The following ABCA1 variants were observed in gnomAD, a reference collection of about 807,000 sequenced individuals.
ABCA1 encodes phospholipid-transporting ATPase ABCA1.
Under a neutral mutation model 262.5 loss-of-function variants are expected in ABCA1, and 133 were observed. The observed-to-expected ratio is 0.51, with a 90% CI of 0.44 to 0.59. The LOEUF (loss-of-function observed/expected upper bound fraction) is 0.59, where lower values mean the gene tolerates loss of function less well. Ranked by LOEUF, ABCA1 falls within the 20% of genes least tolerant of loss-of-function variation. The pLI is 0.00. For synonymous variants in ABCA1, 1,022 were observed against 1,043.5 expected, an observed-to-expected ratio of 0.98 and a Z score of 0.40; for missense variants, 2,452 against 2,777.5, an observed-to-expected ratio of 0.88 and a Z score of 2.63.
chr9:104,831,149 TAAAAA>T (rs34121951), intron 13 of ABCA1, 48 bp from the exon 14 acceptor site: 288 of 925,484 alleles, frequency 3.1e-4, no homozygotes, highest in Middle Eastern at 7.8e-4. Context: ...AACCATACAA[TAAAAA>T]AAAAAAAAAA....
intron 42 of ABCA1, 84 bp from the exon 43 acceptor site, chr9:104,792,082 C>T: frequency 8.4e-7 from 1 of 1,193,224 alleles, no homozygotes; most frequent in Non-Finnish European, 1.2e-6. Context: ...GACTATAAAC[C>T]ACATACACTG....
chr9:104,872,981 T>C (rs1046632644), intron 5 of ABCA1, among the ~76,000 whole-genome samples: 1 of 152,242 alleles, frequency 6.6e-6, no homozygotes, highest in African/African-American at 2.4e-5. Flanking sequence ...AACATTGCAG[T>C]GCAGCGTTGC....
At chr9:104,803,225 A>G in intron 33 of ABCA1, 59 bp downstream of exon 33, 1 of 1,582,142 alleles carries the variant, frequency 6.3e-7, no homozygotes, top group Non-Finnish European at 8.7e-7. Context: ...CTTCAATCCA[A>G]GACACCTACA....
At chr9:104,800,406 T>C in intron 35 of ABCA1, 104 bp downstream of exon 35, 1 of 1,081,076 alleles carries the variant, frequency 9.3e-7, no homozygotes, top group South Asian at 1.3e-5. Flanking sequence ...TGCTCTTTTC[T>C]GTTGTGAATG....
At chr9:104,910,143 C>A (rs1841408752) in intron 1 of ABCA1, among the ~76,000 whole-genome samples, 1 of 152,114 alleles carries the variant, frequency 6.6e-6, no homozygotes, top group Non-Finnish European at 1.5e-5. Flanking sequence ...AGGGAAGTCT[C>A]CAAGCAGGGA....
intron 18 of ABCA1, among the ~76,000 whole-genome samples, chr9:104,823,365 TGAA>T (rs965845387): frequency 5.3e-5 from 8 of 152,202 alleles, no homozygotes; most frequent in African/African-American, 1.9e-4. Flanking sequence ...TAGTGAAATC[TGAA>T]GAAGGTTTGT....
At chr9:104,809,233 A>G (rs1426487826) in intron 30 of ABCA1, among the ~76,000 whole-genome samples, 2 of 152,260 alleles carry the variant, frequency 1.3e-5, no homozygotes, top group African/African-American at 4.8e-5. Flanking sequence ...AAATCAGTAA[A>G]CAAATGTCTG....
chr9:104,867,493 T>C (rs749725171), intron 5 of ABCA1, among the ~76,000 whole-genome samples: 11 of 152,120 alleles, frequency 7.2e-5, no homozygotes, highest in Non-Finnish European at 1.3e-4. Context: ...GGCGGCTAAG[T>C]TGAGATGTTG....
intron 1 of ABCA1, among the ~76,000 whole-genome samples, chr9:104,926,984 G>A: frequency 6.6e-6 from 1 of 152,004 alleles, no homozygotes; most frequent in South Asian, 2.1e-4. Flanking sequence ...GGCCGAGGCC[G>A]GTGGATCACC....
Position 104,817,413 on chromosome 9 carries a change from AAAG to A in ABCA1, c.3463-12_3463-10del. 2 of 1,614,168 alleles carry A rather than the reference AAAG, an allele frequency of 1.2e-6. No homozygotes were observed. Among genetic ancestry groups the A allele is most frequent in the Non-Finnish European group, 1.7e-6 (2 of 1,179,990 alleles). On this transcript the variant is annotated splice_polypyrimidine_tract_variant and intron_variant, in intron 23 of 49. Transcript: ENST00000374736. The surrounding 1 kb of genome is among the most constrained non-coding windows in gnomAD (Gnocchi z 4.7). Reference sequence around the variant, plus strand: ...TGAGAAACACTGTCCTCCTGATGGCAAAGAAGGAGGTGAGAACGGGTCAGGGAC... The same window carrying A: ...TGAGAAACACTGTCCTCCTGATGGCAAAGGAGGTGAGAACGGGTCAGGGAC...
At chr9:104,786,654 A>T (rs1231589721) in intron 47 of ABCA1, among the ~76,000 whole-genome samples, 1 of 152,226 alleles carries the variant, frequency 6.6e-6, no homozygotes, top group Non-Finnish European at 1.5e-5. Context: ...ATGACACCTA[A>T]ATGCACTGAC....
rs1831518729 is a variant in ABCA1 at position 104,814,125 on chromosome 9, T to A, written c.3894A>T (p.Ile1298=). 6.2e-7 allele frequency: 1 copy of A among 1,614,050 alleles called. No individual in the cohort carries two copies. The highest frequency in any genetic ancestry group is 1.3e-5 in the African/African-American group (1 of 74,940). ...GATCTTGCCCTAACAGACCTGGGTC[T>A]ATGTCAGAATCATTTGGATCAGCAG... is the stretch of plus-strand genomic sequence containing the variant. ...DDAADPNDSD[I]DPESRETDLL... Residue 1298 remains isoleucine, a synonymous_variant, in exon 27 of 50, where the codon ATA becomes ATT. Coordinates refer to ENST00000374736, the MANE Select transcript of ABCA1 (RefSeq NM_005502.4).
At chr9:104,809,125 C>A (rs1831047376) in intron 30 of ABCA1, among the ~76,000 whole-genome samples, 2 of 152,088 alleles carry the variant, frequency 1.3e-5, no homozygotes, top group Non-Finnish European at 1.5e-5. Context: ...TAATGAGAGC[C>A]TATTGAAGCA....
intron 3 of ABCA1, 89 bp downstream of exon 3, chr9:104,889,013 A>G: frequency 8.8e-7 from 1 of 1,129,962 alleles, no homozygotes; most frequent in Admixed American, 1.7e-5. Context: ...CAAAGACAGC[A>G]TCTTTGGAAA....
At chr9:104,831,559 C>A in intron 13 of ABCA1, 63 bp downstream of exon 13, 1 of 1,353,564 alleles carries the variant, frequency 7.4e-7, no homozygotes, top group Non-Finnish European at 1.0e-6. Context: ...TACCTCTTGT[C>A]CTAATATAAT....
At position 104,781,368 on chromosome 9, in the gene ABCA1, G is replaced by A. The variant is rs553458348; in HGVS notation, c.*2947C>T. 1 of 152,464 alleles carries A rather than the reference G, an allele frequency of 6.6e-6. No homozygotes were observed. Among genetic ancestry groups the A allele is most frequent in the Non-Finnish European group, 1.5e-5 (1 of 67,982 alleles). The allele number at this position is 152,464 out of a possible 1,614,324, so 9.4% of individuals were successfully genotyped here. On this transcript the variant is annotated 3_prime_UTR_variant, in exon 50 of 50. Coordinates refer to ENST00000374736, the MANE Select transcript of ABCA1 (RefSeq NM_005502.4). ...AAGGGGGATGCAACAATTTTGAAAA[G>A]AATTAGAGCAATATTTCTACAGTAT...
At position 104,830,971 on chromosome 9, in the gene ABCA1, C is replaced by A. The variant is rs2119004076; in HGVS notation, c.1846G>T (p.Gly616Cys). 1 of 1,613,714 alleles carries A rather than the reference C, an allele frequency of 6.2e-7. No homozygotes were observed. The highest frequency in any genetic ancestry group is 8.5e-7 in the Non-Finnish European group (1 of 1,179,930). Residue 616 changes from glycine (G) to cysteine (C), a missense_variant, in exon 14 of 50, where the codon GGT (glycine) becomes TGT (cysteine). Coordinates refer to ENST00000374736, the MANE Select transcript of ABCA1 (RefSeq NM_005502.4). Reference protein sequence around the residue: ...RVLTGTEKKTGVYMQQMPYPC... With the variant: ...RVLTGTEKKTCVYMQQMPYPC... ...TAGGGCATCTGTTGCATATAGACACCAGTTTTCTTCTCGGTGCCCGTCAGC... is the reference window on the plus strand; with the variant it reads ...TAGGGCATCTGTTGCATATAGACACAAGTTTTCTTCTCGGTGCCCGTCAGC...
rs557626075 is a variant in ABCA1 at position 104,882,028 on chromosome 9, TAAAAAAAAAAAA to T, written c.421+999_421+1010del. Reference sequence around the variant, plus strand: ...CAAGGAAAGCACAGTTCTGTAGCCTTAAAAAAAAAAAAAAAAAAAAAAAAAAAAACTCAAATC... The same window carrying T: ...CAAGGAAAGCACAGTTCTGTAGCCTTAAAAAAAAAAAAAAAAACTCAAATC... On this transcript the variant is annotated intron_variant, in intron 5 of 49. Transcript: ENST00000374736. Among the ~76,000 whole-genome samples the T allele has an allele frequency of 2.7e-4, 20 of 73,756 alleles. 1 individual carries two copies. Among genetic ancestry groups the T allele is most frequent in the East Asian group, 1.1e-3 (2 of 1,780 alleles). 48.4% of individuals were successfully genotyped at this position (73,756 alleles called of 152,430 possible). A position where few individuals can be genotyped will look rare whatever the true frequency, so the allele number is the denominator to read the frequency against.
intron 1 of ABCA1, among the ~76,000 whole-genome samples, chr9:104,921,234 G>C (rs1213510692): frequency 6.6e-6 from 1 of 152,112 alleles, no homozygotes; most frequent in Non-Finnish European, 1.5e-5. Flanking sequence ...AGACTAACCA[G>C]ATAAAATGTT....
Sources: gnomAD v4.1 joint callset for allele counts (sites outside exome capture counted in the v4.1 genomes callset) on GRCh38, gnomAD v4.1.1 for gene constraint, Gnocchi (gnomAD v3.1) non-coding constraint, MANE v1.5 for transcripts, NCBI Gene and HGNC (gene_info 2026-07-23, HGNC 2026-07-21) for gene names.